DNAH8: variants seen among roughly 807,000 people sequenced by gnomAD.
The protein encoded by DNAH8 is dynein axonemal heavy chain 8.
DNAH8 carries 382 observed loss-of-function variants against 562.1 expected under a neutral mutation model. That is an observed-to-expected ratio of 0.68 (90% CI 0.63 to 0.74). The LOEUF (loss-of-function observed/expected upper bound fraction) is 0.74, where lower values mean the gene tolerates loss of function less well. Among genes scored for constraint, DNAH8 ranks in the 30% least tolerant of loss-of-function variants. The pLI is 0.00. For synonymous variants in DNAH8, 1,881 were observed against 1,919.4 expected (o/e 0.98, Z 0.52); for missense variants, 5,203 against 5,620.4 (o/e 0.93, Z 2.37).
intron 8 of DNAH8, chr6:38,744,245 G>C (rs1053291713): frequency 6.6e-6 from 1 of 152,238 alleles, no homozygotes; most frequent in Non-Finnish European, 1.5e-5. Context: ...GGAGTGGGGT[G>C]ATGAGGGTGC....
intron 5 of DNAH8, among the ~76,000 whole-genome samples, chr6:38,735,392 A>T (rs1264342583): frequency 2.0e-5 from 3 of 152,202 alleles, no homozygotes; most frequent in African/African-American, 7.2e-5. Flanking sequence ...TTAAGATTTT[A>T]GGTTGGCAGT....
chr6:38,898,117 C>T lies in DNAH8; in HGVS notation c.8941-141C>T, dbSNP rs190039010. 6.6e-4 allele frequency: 489 copies of T among 737,078 alleles called. 1 individual carries two copies. Among genetic ancestry groups the T allele is most frequent in the African/African-American group, 4.5e-3 (241 of 53,508 alleles). 45.7% of individuals were successfully genotyped at this position (737,078 alleles called of 1,614,324 possible). On this transcript the variant is annotated intron_variant, in intron 60 of 92. Coordinates refer to ENST00000327475, the MANE Select transcript of DNAH8 (RefSeq NM_001206927.2). ...GGAAATAACTAAAAGTAGACTAATA[C>T]GTGAGAAACCTCTGGAAATCCATAA...
At chr6:38,865,498 G>A (rs1324438758) in intron 45 of DNAH8, among the ~76,000 whole-genome samples, 3 of 152,168 alleles carry the variant, frequency 2.0e-5, no homozygotes, top group African/African-American at 4.8e-5. Context: ...AGTTTAACAT[G>A]TAAGGATTCT....
At chr6:38,879,959 G>T (rs1245503291) in intron 53 of DNAH8, among the ~76,000 whole-genome samples, 2 of 152,172 alleles carry the variant, frequency 1.3e-5, no homozygotes, top group African/African-American at 4.8e-5. Context: ...GCAAGGCTGG[G>T]TGCAGGGGCT....
intron 92 of DNAH8, among the ~76,000 whole-genome samples, chr6:39,027,703 A>G (rs958227221): frequency 4.6e-5 from 7 of 151,782 alleles, no homozygotes; most frequent in African/African-American, 1.7e-4. Context: ...GGCAGGCTGT[A>G]ATGTCCCAGC....
At chr6:39,021,360 T>C (rs1766908819) in intron 91 of DNAH8, among the ~76,000 whole-genome samples, 1 of 152,192 alleles carries the variant, frequency 6.6e-6, no homozygotes, top group Admixed American at 6.5e-5. Context: ...GTGATTCCCA[T>C]GAACATTAAA....
chr6:38,879,903 C>A (rs1484940940), intron 53 of DNAH8, among the ~76,000 whole-genome samples: 1 of 152,160 alleles, frequency 6.6e-6, no homozygotes, highest in Non-Finnish European at 1.5e-5. Context: ...ATGCTCACAA[C>A]AAACAGTTGA....
chr6:38,832,415 T>G lies in DNAH8; in HGVS notation c.4282T>G (p.Phe1428Val). 1 of 1,607,246 alleles carries G rather than the reference T, an allele frequency of 6.2e-7. No homozygotes were observed. Among genetic ancestry groups the G allele is most frequent in the Non-Finnish European group, 8.5e-7 (1 of 1,174,004 alleles). ...VEVFREDVINFAEAYELEGPM... is the reference protein window; with the variant it reads ...VEVFREDVINVAEAYELEGPM... ...AGTTTTTCGTGAGGACGTGATAAAC[T>G]TTGCAGAAGCATATGAATTGGTAAT... Residue 1428 changes from phenylalanine to valine, a missense_variant, in exon 31 of 93, where the codon TTT becomes GTT. Physicochemically the swap from Phe to Val is conservative, Grantham distance 50. Coordinates refer to ENST00000327475, the MANE Select transcript of DNAH8 (RefSeq NM_001206927.2).
rs202090114 is a variant in DNAH8, at chr6:38,867,760, A to AC, written c.6694-302_6694-301insC. On this transcript the variant is annotated intron_variant, in intron 47 of 92. Coordinates refer to ENST00000327475, the MANE Select transcript of DNAH8 (RefSeq NM_001206927.2). ...AGAGTGAGACTCCATCTCAAAAAAAAAAAAAAAAAAAACAAAAAAGAAACT... is the reference window on the plus strand; with the variant it reads ...AGAGTGAGACTCCATCTCAAAAAAAACAAAAAAAAAAAACAAAAAAGAAACT... Among the ~76,000 whole-genome samples the AC allele has an allele frequency of 0.15, 22,673 of 149,534 alleles. 2,100 individuals carry two copies. Among genetic ancestry groups the AC allele is most frequent in the Non-Finnish European group, 0.21 (14,101 of 67,336 alleles).
chr6:38,884,194 GT>G (rs1778738206), intron 56 of DNAH8, among the ~76,000 whole-genome samples, 196 bp downstream of exon 56: 1 of 151,154 alleles, frequency 6.6e-6, no homozygotes, highest in South Asian at 2.1e-4. Flanking sequence ...TTTTGTTTTT[GT>G]TTTTTTATTA....
rs570281606 is a variant in DNAH8 at position 39,022,910 on chromosome 6, T to A, written c.13715-3636T>A. Among the ~76,000 whole-genome samples, 4 of 152,366 alleles carry A rather than the reference T, an allele frequency of 2.6e-5. No homozygotes were observed. In the South Asian group the frequency reaches 6.2e-4, roughly 24 times the overall value. On this transcript the variant is annotated intron_variant, in intron 91 of 92. Coordinates refer to ENST00000327475, the MANE Select transcript of DNAH8 (RefSeq NM_001206927.2). Reference sequence around the variant, plus strand: ...ACATATTTCAAACTTGTGAGTTTTTTAAAAAGAACAAGCTTGACAAGTGTT... The same window carrying A: ...ACATATTTCAAACTTGTGAGTTTTTAAAAAAGAACAAGCTTGACAAGTGTT...
In DNAH8 at chr6:38,909,613, G is replaced by A; in HGVS notation, c.9609G>A (p.Leu3203=). Residue 3203 remains leucine (L), a synonymous_variant, in exon 65 of 93, where the codon CTG becomes CTA. Transcript: ENST00000327475. The part of the protein sequence containing the change: ...DWFSRWPREA[L]IAVASYFLSD... ...TCAGCCGCTGGCCAAGGGAGGCTCTGATTGCTGTGGCCTCCTACTTCCTTT... is the reference window on the plus strand; with the variant it reads ...TCAGCCGCTGGCCAAGGGAGGCTCTAATTGCTGTGGCCTCCTACTTCCTTT... 6.2e-7 allele frequency: 1 copy of A among 1,614,168 alleles called. No homozygotes were observed. Among genetic ancestry groups the A allele is most frequent in the Non-Finnish European group, 8.5e-7 (1 of 1,179,990 alleles).
rs775389011 is a variant in DNAH8, at chr6:38,973,828, G to T, written c.12678+15G>T. 1 of 1,581,934 alleles carries T rather than the reference G, an allele frequency of 6.3e-7. No individual in the cohort carries two copies. Among genetic ancestry groups the T allele is most frequent in the Admixed American group, 1.9e-5 (1 of 53,182 alleles). On this transcript the variant is annotated intron_variant, in intron 84 of 92. Coordinates refer to ENST00000327475, the MANE Select transcript of DNAH8 (RefSeq NM_001206927.2). ...CATTGCTTCAGGTTTGTTACTAAAC[G>T]TCTTTTCATCGAGAGTCATAGTAAT...
At chr6:38,922,536 A>T (rs114260294) in intron 71 of DNAH8, among the ~76,000 whole-genome samples, 1,949 of 152,272 alleles carry the variant, frequency 0.013, 35 homozygotes, top group Middle Eastern at 0.037. Context: ...ATAATTTTTT[A>T]ATTGTAAGCT....
intron 41 of DNAH8, 36 bp from the exon 42 acceptor site, chr6:38,857,482 T>G (rs200435422): frequency 3.4e-6 from 5 of 1,449,506 alleles, no homozygotes; most frequent in Non-Finnish European, 4.8e-6. Context: ...CTTTAAATAT[T>G]TGGCAAATTT....
intron 4 of DNAH8, among the ~76,000 whole-genome samples, chr6:38,730,671 A>C (rs1024062294): frequency 1.2e-4 from 19 of 152,094 alleles, no homozygotes; most frequent in African/African-American, 4.3e-4. Context: ...ATTCCTGCCA[A>C]GTATATCTTT....
At chr6:38,923,678 A>T (rs1039537663) in intron 72 of DNAH8, 2 of 274,082 alleles carry the variant, frequency 7.3e-6, no homozygotes, top group African/African-American at 4.4e-5. Flanking sequence ...GGTTTAACAC[A>T]AGACTGAAAT....
rs141088358 is a variant in DNAH8, at chr6:38,933,591, A to G, written c.11457+1598A>G. Reference sequence around the variant, plus strand: ...ATATCCAGAAAAGGAAGCTAATATGATTTCATTTTGTCCATGTATTCCTAT... The same window carrying G: ...ATATCCAGAAAAGGAAGCTAATATGGTTTCATTTTGTCCATGTATTCCTAT... On this transcript the variant is annotated intron_variant, in intron 76 of 92. Transcript: ENST00000327475. 2.5e-3 allele frequency among the ~76,000 whole-genome samples: 378 copies of G among 152,288 alleles called. 1 individual carries two copies. The highest frequency in any genetic ancestry group is 8.9e-3 in the African/African-American group (370 of 41,550).
At chr6:38,778,781 A>T (rs1738257) in intron 14 of DNAH8, among the ~76,000 whole-genome samples, 14,482 of 152,128 alleles carry the variant, frequency 0.095, 1,270 homozygotes, top group East Asian at 0.44. Context: ...GGGAACAAAT[A>T]ATGTTTACTT....
Sources: allele counts gnomAD v4.1 joint callset (sites outside exome capture counted in the v4.1 genomes callset), GRCh38; gene constraint gnomAD v4.1.1; transcripts MANE v1.5; gene names NCBI Gene and HGNC (gene_info 2026-07-23, HGNC 2026-07-21).